Variants in PDCD6IP observed in about 807,000 individuals in gnomAD.
PDCD6IP encodes programmed cell death 6-interacting protein.
Under a neutral mutation model 103.7 loss-of-function variants are expected in PDCD6IP, and 43 were observed. The observed-to-expected ratio is 0.41, with a 90% CI of 0.32 to 0.53. The LOEUF (loss-of-function observed/expected upper bound fraction) is 0.53, where lower values mean the gene tolerates loss of function less well. PDCD6IP is among the 20% of genes least tolerant of loss of function. The pLI, the probability that PDCD6IP is intolerant of heterozygous loss-of-function variation, is 0.16. For missense variants in PDCD6IP, 871 were observed against 1,036.7 expected (o/e 0.84, Z 2.20); for synonymous variants, 354 against 378.7 (o/e 0.93, Z 0.76).
chr3:33,805,986 C>A (rs988935561), intron 1 of PDCD6IP, among the ~76,000 whole-genome samples: 1 of 151,712 alleles, frequency 6.6e-6, no homozygotes, highest in African/African-American at 2.4e-5. Context: ...ACCTTGTGAT[C>A]CGCCTGTCTC....
At chr3:33,821,311 C>T (rs1186279069) in intron 3 of PDCD6IP, among the ~76,000 whole-genome samples, 1 of 151,932 alleles carries the variant, frequency 6.6e-6, no homozygotes, top group Admixed American at 6.6e-5. Flanking sequence ...TGCCCAACCA[C>T]GAGTTTGCGT....
At chr3:33,856,958 G>A (rs1248235025) in intron 15 of PDCD6IP, among the ~76,000 whole-genome samples, 1 of 151,638 alleles carries the variant, frequency 6.6e-6, no homozygotes, top group Non-Finnish European at 1.5e-5. Flanking sequence ...GTCTTATACC[G>A]ATGACCCTTT....
intron 9 of PDCD6IP, among the ~76,000 whole-genome samples, chr3:33,839,844 A>G (rs1697430885): frequency 6.6e-6 from 1 of 152,190 alleles, no homozygotes; most frequent in South Asian, 2.1e-4. Context: ...GCATTCTCCT[A>G]ATTGCTAATG....
At chr3:33,833,520 G>T (rs1373673237) in intron 7 of PDCD6IP, among the ~76,000 whole-genome samples, 1 of 151,922 alleles carries the variant, frequency 6.6e-6, no homozygotes, top group Non-Finnish European at 1.5e-5. Context: ...AAATAAATTT[G>T]TATTTTTCTT....
intron 1 of PDCD6IP, among the ~76,000 whole-genome samples, chr3:33,809,603 A>G (rs971884684): frequency 6.6e-6 from 1 of 152,248 alleles, no homozygotes; most frequent in Non-Finnish European, 1.5e-5. Flanking sequence ...CCATAGTACA[A>G]CTTTCAAAGT....
intron 8 of PDCD6IP, 121 bp from the exon 9 acceptor site, chr3:33,838,083 T>C (rs1697389914): frequency 1.2e-6 from 1 of 868,156 alleles, no homozygotes; most frequent in Admixed American, 2.7e-5. Context: ...GATCTTTAAA[T>C]GTCAATAGAC....
chr3:33,844,089 G>C (rs368310390), intron 10 of PDCD6IP, 23 bp from the exon 11 acceptor site: 1 of 1,397,072 alleles, frequency 7.2e-7, no homozygotes, highest in African/African-American at 1.4e-5. Context: ...ACATTTCAGG[G>C]TTCTTTTTGC....
chr3:33,835,808 A>G (rs1409940335), intron 7 of PDCD6IP, among the ~76,000 whole-genome samples: 1 of 152,208 alleles, frequency 6.6e-6, no homozygotes, highest in Non-Finnish European at 1.5e-5. Flanking sequence ...TTCTTTTATT[A>G]TCTTGATAAT....
At chr3:33,823,565 C>T (rs1302533063) in intron 4 of PDCD6IP, among the ~76,000 whole-genome samples, 1 of 152,120 alleles carries the variant, frequency 6.6e-6, no homozygotes, top group Non-Finnish European at 1.5e-5. Flanking sequence ...GTGCGGATCA[C>T]GAGGTCAGGA....
chr3:33,846,021 A>T (rs778479038), intron 12 of PDCD6IP, among the ~76,000 whole-genome samples: 1 of 152,236 alleles, frequency 6.6e-6, no homozygotes, highest in South Asian at 2.1e-4. Context: ...GTGCATGTTA[A>T]TAAATGGATA....
intron 15 of PDCD6IP, 60 bp downstream of exon 15, chr3:33,855,320 G>C (rs575508951): frequency 3.6e-4 from 382 of 1,057,578 alleles, no homozygotes; most frequent in Non-Finnish European, 4.4e-4. Context: ...AAATCATGTA[G>C]AGACTTTTGG....
intron 15 of PDCD6IP, among the ~76,000 whole-genome samples, chr3:33,863,720 T>A (rs866796508): frequency 6.6e-6 from 1 of 152,240 alleles, no homozygotes. Context: ...GCAATAAACA[T>A]GGGAATACAG....
At chr3:33,814,600 A>ATATGCACATATAATG (rs1559775025) in intron 3 of PDCD6IP, among the ~76,000 whole-genome samples, 83 of 145,642 alleles carry the variant, frequency 5.7e-4, no homozygotes, top group African/African-American at 1.8e-3. Flanking sequence ...ATATGTATAT[A>ATATGCACATATAATG]TGTATTATAT....
chr3:33,856,096 A>G (rs1259912867), intron 15 of PDCD6IP, among the ~76,000 whole-genome samples: 1 of 152,166 alleles, frequency 6.6e-6, no homozygotes, highest in Admixed American at 6.5e-5. Context: ...CTGCCCGTGT[A>G]AGGGATCTAG....
In PDCD6IP at chr3:33,836,069, T is replaced by C. The variant is rs1470304401; in HGVS notation, c.860T>C (p.Val287Ala). 1 of 1,608,646 alleles carries C rather than the reference T, an allele frequency of 6.2e-7. No homozygotes were observed. The highest frequency in any genetic ancestry group is 1.7e-5 in the Admixed American group (1 of 60,016). Residue 287 changes from valine to alanine, a missense_variant, in exon 8 of 18, where the codon GTG becomes GCG. By Grantham distance (64) the Val-to-Ala change is moderately conservative. Coordinates refer to ENST00000307296, the MANE Select transcript of PDCD6IP (RefSeq NM_013374.6). ...LQHAAELIKTVASRYDEYVNV... is the reference protein window; with the variant it reads ...LQHAAELIKTAASRYDEYVNV... ...CATGCAGCAGAACTGATTAAAACAGTGGCATCTCGCTATGATGAATATGTT... is the reference window on the plus strand; with the variant it reads ...CATGCAGCAGAACTGATTAAAACAGCGGCATCTCGCTATGATGAATATGTT...
chr3:33,812,157 T>C (rs1207633325), intron 2 of PDCD6IP, 31 bp downstream of exon 2: 3 of 1,590,630 alleles, frequency 1.9e-6, no homozygotes, highest in Non-Finnish European at 2.6e-6. Flanking sequence ...TAAAATTATA[T>C]GGTAATAGCA....
chr3:33,848,164 G>T (rs2125570191), intron 12 of PDCD6IP, among the ~76,000 whole-genome samples: 1 of 152,146 alleles, frequency 6.6e-6, no homozygotes, highest in East Asian at 1.9e-4. Context: ...ACTGGAATCT[G>T]TTTGTTTATT....
intron 7 of PDCD6IP, 48 bp from the exon 8 acceptor site, chr3:33,835,996 A>G: frequency 9.5e-7 from 1 of 1,054,416 alleles, no homozygotes; most frequent in Non-Finnish European, 1.4e-6. Context: ...AGAGAAATAA[A>G]ATCACCTCCC....
intron 3 of PDCD6IP, among the ~76,000 whole-genome samples, chr3:33,817,664 G>A (rs1283983680): frequency 1.3e-5 from 2 of 151,780 alleles, no homozygotes; most frequent in African/African-American, 2.4e-5. Context: ...GAGGTGAGAG[G>A]ATTGCTTGAG....
Sources: gnomAD v4.1 joint callset for allele counts (sites outside exome capture counted in the v4.1 genomes callset) on GRCh38, gnomAD v4.1.1 for gene constraint, MANE v1.5 for transcripts, NCBI Gene and HGNC (gene_info 2026-07-23, HGNC 2026-07-21) for gene names.